ITPR1: variants seen among roughly 807,000 people sequenced by gnomAD.
ITPR1 encodes inositol 1,4,5-trisphosphate-gated calcium channel ITPR1.
ITPR1 carries 96 observed loss-of-function variants against 318.4 expected under a neutral mutation model. The ratio of observed to expected loss-of-function variants is 0.30; its 90% CI spans 0.26 to 0.36. ITPR1 has a LOEUF of 0.36. ITPR1 is among the 10% of genes least tolerant of loss of function. The pLI is 1.00. For synonymous variants in ITPR1, 1,312 were observed against 1,289.9 expected, an observed-to-expected ratio of 1.02 and a Z score of -0.37; for missense variants, 2,440 against 3,460.2, an observed-to-expected ratio of 0.71 and a Z score of 7.40.
intron 18 of ITPR1, 41 bp from the exon 19 acceptor site, chr3:4,669,613 G>A (rs917192403): frequency 8.9e-6 from 14 of 1,567,838 alleles, no homozygotes; most frequent in Non-Finnish European, 1.1e-5. Context: ...CCTAACCTCT[G>A]CTCTATCTAC....
In ITPR1 at chr3:4,681,366, G is replaced by A. The variant is rs1162263237; in HGVS notation, c.3109G>A (p.Ala1037Thr). Residue 1037 changes from alanine (A) to threonine (T), a missense_variant and splice_region_variant, in exon 26 of 62, where the codon GCT becomes ACT. Around this residue, in one of 23 missense-constraint regions of ITPR1, gnomAD observed 76 missense variants for 132.2 expected, o/e 0.58. Transcript: ENST00000649015. ...AGTGGTATGTTCTAACTTTTCAGGT[G>A]CTCTTGACTTTGAACACATTGAAGA... ...SQEGPSNVPG[A>T]LDFEHIEEQA... The A allele has an allele frequency of 6.2e-7, 1 of 1,611,040 alleles. No homozygotes were observed. Among genetic ancestry groups the A allele is most frequent in the Non-Finnish European group, 8.5e-7 (1 of 1,177,440 alleles).
At chr3:4,758,970 C>G (rs1406426766) in intron 44 of ITPR1, among the ~76,000 whole-genome samples, 1 of 152,216 alleles carries the variant, frequency 6.6e-6, no homozygotes, top group East Asian at 1.9e-4. Context: ...TACTCAGATG[C>G]AAAGTGCTAC....
rs17041147 is a variant in ITPR1, at chr3:4,667,240, G to A, written c.1714-137G>A. On this transcript the variant is annotated intron_variant, in intron 17 of 61. Coordinates refer to ENST00000649015, the MANE Select transcript of ITPR1 (RefSeq NM_001378452.1). ...GTTGCCCTAGGATAGAAAGTTGTAG[G>A]AAGACCCTCCCTTATACTGTAATGT... 37,420 of 549,240 alleles carry A rather than the reference G, an allele frequency of 0.068. 3,232 individuals carry two copies. The highest frequency in any genetic ancestry group is 0.31 in the African/African-American group (15,731 of 51,458). 34.0% of individuals were successfully genotyped at this position (549,240 alleles called of 1,614,324 possible).
chr3:4,731,469 A>G (rs931791041), intron 42 of ITPR1, among the ~76,000 whole-genome samples: 2 of 152,240 alleles, frequency 1.3e-5, no homozygotes, highest in Non-Finnish European at 2.9e-5. Flanking sequence ...TCATGAGCTG[A>G]TAGAAGTTAC....
rs2094381993 is a variant in ITPR1 at position 4,685,722 on chromosome 3, AT to A, written c.3702+521del. Among the ~76,000 whole-genome samples the A allele has an allele frequency of 9.9e-5, 15 of 152,240 alleles. No homozygotes were observed. The South Asian group carries it at 2.9e-3, about 29-fold the overall frequency. ...TGCTGGAAGTTGTACTTTGCCTCTA[AT>A]TTTTCACATTAGCGTTTGTCATTGA... On this transcript the variant is annotated intron_variant, in intron 30 of 61. Transcript: ENST00000649015.
intron 4 of ITPR1, among the ~76,000 whole-genome samples, chr3:4,562,816 T>A (rs2086819003): frequency 6.6e-6 from 1 of 151,674 alleles, no homozygotes; most frequent in African/African-American, 2.4e-5. Context: ...ATGTAGTCTC[T>A]GCCCCCATAG....
chr3:4,721,134 A>G (rs2042123995), intron 40 of ITPR1, among the ~76,000 whole-genome samples: 1 of 142,376 alleles, frequency 7.0e-6, no homozygotes, highest in African/African-American at 2.6e-5. Flanking sequence ...ATTTATATAT[A>G]TTTATATATG....
chr3:4,641,839 A>G (rs2093346535), intron 6 of ITPR1, among the ~76,000 whole-genome samples: 2 of 152,248 alleles, frequency 1.3e-5, no homozygotes, highest in South Asian at 4.1e-4. Context: ...CCTGAGCAAC[A>G]TCCATCTTGT....
intron 32 of ITPR1, among the ~76,000 whole-genome samples, chr3:4,691,967 C>T (rs2094486292): frequency 1.3e-5 from 2 of 152,038 alleles, no homozygotes; most frequent in South Asian, 4.2e-4. Context: ...GCCTGGGCAA[C>T]ATAGTAAGAC....
intron 35 of ITPR1, among the ~76,000 whole-genome samples, chr3:4,701,323 A>C (rs1449777936): frequency 6.6e-6 from 1 of 152,174 alleles, no homozygotes; most frequent in Non-Finnish European, 1.5e-5. Context: ...GTGAAGGCTA[A>C]ATATGTATAA....
At chr3:4,636,760 G>T (rs115521881) in intron 5 of ITPR1, among the ~76,000 whole-genome samples, 1 of 152,218 alleles carries the variant, frequency 6.6e-6, no homozygotes, top group South Asian at 2.1e-4. Context: ...GAAGTCTTTA[G>T]ATATTTATTC....
chr3:4,815,816 T>C (rs1161976709), intron 59 of ITPR1, among the ~76,000 whole-genome samples: 3 of 152,096 alleles, frequency 2.0e-5, no homozygotes, highest in African/African-American at 7.2e-5. Context: ...AAAAGATCAG[T>C]TTCCAATTAA....
intron 40 of ITPR1, among the ~76,000 whole-genome samples, chr3:4,720,908 T>G (rs1575005815): frequency 6.6e-6 from 1 of 152,068 alleles, no homozygotes; most frequent in Admixed American, 6.6e-5. Context: ...TGTGAACTGC[T>G]GGGTTGGGTA....
intron 36 of ITPR1, among the ~76,000 whole-genome samples, chr3:4,704,693 G>A (rs573709166): frequency 6.6e-6 from 1 of 152,148 alleles, no homozygotes; most frequent in Admixed American, 6.5e-5. Flanking sequence ...CATTAGAGAG[G>A]GGAAGTCTTT....
At chr3:4,501,443 A>G (rs1214221512) in intron 2 of ITPR1, among the ~76,000 whole-genome samples, 1 of 152,212 alleles carries the variant, frequency 6.6e-6, no homozygotes, top group African/African-American at 2.4e-5. Context: ...ACCCTACTCC[A>G]CATTCAATGA....
At chr3:4,582,013 G>C (rs954287123) in intron 4 of ITPR1, among the ~76,000 whole-genome samples, 1 of 151,890 alleles carries the variant, frequency 6.6e-6, no homozygotes, top group Non-Finnish European at 1.5e-5. Context: ...CAGAAGACAG[G>C]GTTGTTACGC....
At chr3:4,581,871 C>CT (rs2089379434) in intron 4 of ITPR1, among the ~76,000 whole-genome samples, 1 of 151,622 alleles carries the variant, frequency 6.6e-6, no homozygotes, top group African/African-American at 2.4e-5. Flanking sequence ...TTTAGACAGG[C>CT]TTTTTTCTTT....
At chr3:4,562,860 A>G (rs1354013513) in intron 4 of ITPR1, among the ~76,000 whole-genome samples, 9 of 151,940 alleles carry the variant, frequency 5.9e-5, no homozygotes, top group Non-Finnish European at 1.0e-4. Flanking sequence ...ACAGACACCA[A>G]GAAGCAAACA....
intron 60 of ITPR1, among the ~76,000 whole-genome samples, chr3:4,831,695 A>G (rs919688085): frequency 6.6e-5 from 10 of 152,232 alleles, no homozygotes; most frequent in Non-Finnish European, 1.5e-4. Context: ...TAGATGATAC[A>G]GGCAAGATTC....
Sources: gnomAD v4.1 joint callset for allele counts (sites outside exome capture counted in the v4.1 genomes callset) on GRCh38, gnomAD v4.1.1 for gene constraint, gnomAD v4.1.1 regional missense constraint, MANE v1.5 for transcripts, NCBI Gene and HGNC (gene_info 2026-07-23, HGNC 2026-07-21) for gene names.